Variants in CEP83 observed in about 807,000 individuals in gnomAD.
CEP83 encodes the protein centrosomal protein 83.
In CEP83, 70 loss-of-function variants were observed where a neutral mutation model predicts 101.9. The ratio of observed to expected loss-of-function variants is 0.69; its 90% CI spans 0.57 to 0.84. CEP83 has a LOEUF of 0.84. Ranked by LOEUF, CEP83 falls within the 40% of genes least tolerant of loss-of-function variation. CEP83 has a pLI of 0.00. For missense variants in CEP83, 715 were observed against 787.2 expected, an observed-to-expected ratio of 0.91 and a Z score of 1.10; for synonymous variants, 264 against 267.9, an observed-to-expected ratio of 0.99 and a Z score of 0.14.
intron 6 of CEP83, among the ~76,000 whole-genome samples, chr12:94,389,014 C>A (rs1006550357): frequency 6.6e-6 from 1 of 152,074 alleles, no homozygotes; most frequent in Non-Finnish European, 1.5e-5. Context: ...ATACTCCCAG[C>A]TATTCAGGAG....
chr12:94,313,016 C>A lies in CEP83; in HGVS notation c.1709G>T (p.Arg570Ile), dbSNP rs749333208. 1.1e-5 allele frequency: 15 copies of A among 1,387,250 alleles called. No homozygotes were observed. The East Asian group carries it at 3.2e-4, about 30-fold the overall frequency. 85.9% of individuals were successfully genotyped at this position (1,387,250 alleles called of 1,614,324 possible). The change falls in exon 15 of 17, where the codon AGA becomes ATA. Residue 570 changes from arginine (R) to isoleucine (I), a missense_variant and splice_region_variant. Coordinates refer to ENST00000397809, the MANE Select transcript of CEP83 (RefSeq NM_016122.3). ...CAATTTGTTTTCATGAAGAGATTTTCTCTAAAAAGAGAAATATGAACAAGT... is the reference window on the plus strand; with the variant it reads ...CAATTTGTTTTCATGAAGAGATTTTATCTAAAAAGAGAAATATGAACAAGT... ...LQRAAIAQKK[R>I]KSLHENKLKR...
At chr12:94,458,595 G>A (rs2067884157) in intron 1 of CEP83, among the ~76,000 whole-genome samples, 1 of 151,988 alleles carries the variant, frequency 6.6e-6, no homozygotes, top group Non-Finnish European at 1.5e-5. Context: ...AAAATTAGCC[G>A]GGCATGGTGG....
chr12:94,298,583 C>T, the CEP83 span: 1 of 1,446,844 alleles, frequency 6.9e-7, no homozygotes, highest in Non-Finnish European at 9.4e-7. Flanking sequence ...TTTTCAAAAC[C>T]ACTACCACAG....
intron 11 of CEP83, among the ~76,000 whole-genome samples, chr12:94,362,269 G>C (rs2060802790): frequency 6.6e-6 from 1 of 152,102 alleles, no homozygotes; most frequent in Non-Finnish European, 1.5e-5. Context: ...TACACTGTTA[G>C]TGGGGATGTA....
chr12:94,301,539 T>C (rs548310481), downstream of CEP83, among the ~76,000 whole-genome samples: 23 of 152,346 alleles, frequency 1.5e-4, no homozygotes, highest in South Asian at 4.8e-3. Flanking sequence ...ATGGTTTTCT[T>C]TGCTGATCAA....
chr12:94,365,884 G>A (rs1011827379), intron 11 of CEP83, among the ~76,000 whole-genome samples: 4 of 151,942 alleles, frequency 2.6e-5, no homozygotes, highest in African/African-American at 9.6e-5. Context: ...AAAAAAGAAT[G>A]AGGCTAATCC....
At chr12:94,284,654 G>A in the CEP83 span, among the ~76,000 whole-genome samples, 1 of 152,062 alleles carries the variant, frequency 6.6e-6, no homozygotes, top group African/African-American at 2.4e-5. Context: ...GCTCTGGGAG[G>A]TCTGGTAACA....
chr12:94,345,488 C>A (rs1413266641), intron 11 of CEP83, among the ~76,000 whole-genome samples: 1 of 152,114 alleles, frequency 6.6e-6, no homozygotes, highest in African/African-American at 2.4e-5. Flanking sequence ...GGTTATAATA[C>A]TGGGGTGCTC....
chr12:94,275,941 T>C, the CEP83 span, among the ~76,000 whole-genome samples: 1 of 151,948 alleles, frequency 6.6e-6, no homozygotes, highest in Non-Finnish European at 1.5e-5. Flanking sequence ...TATCAATTTA[T>C]GTCTGAATTT....
chr12:94,323,967 G>C (rs987218924), intron 14 of CEP83, among the ~76,000 whole-genome samples: 4 of 152,144 alleles, frequency 2.6e-5, no homozygotes, highest in Non-Finnish European at 5.9e-5. Context: ...TGTTCTGTTA[G>C]GGTGTTGAAT....
the CEP83 span, chr12:94,297,169 CCT>C: frequency 3.7e-6 from 6 of 1,612,306 alleles, no homozygotes; most frequent in African/African-American, 5.3e-5. Flanking sequence ...GCTTTCTCTC[CCT>C]CTTTCTCTGG....
At chr12:94,338,398 A>G (rs1026289501) in intron 11 of CEP83, among the ~76,000 whole-genome samples, 3 of 152,228 alleles carry the variant, frequency 2.0e-5, no homozygotes, top group East Asian at 1.9e-4. Flanking sequence ...AAAGAAAAAA[A>G]TCACTTTAAC....
chr12:94,284,801 G>T, the CEP83 span, among the ~76,000 whole-genome samples: 1 of 152,170 alleles, frequency 6.6e-6, no homozygotes, highest in Non-Finnish European at 1.5e-5. Context: ...ACACAGATGG[G>T]GGCAGCCTCT....
At chr12:94,424,767 T>C (rs1168439451) in intron 2 of CEP83, 39 of 1,611,500 alleles carry the variant, frequency 2.4e-5, no homozygotes, top group Non-Finnish European at 3.1e-5. Context: ...TCTTGGTCAG[T>C]AGTGCCTGGT....
At chr12:94,402,756 A>C (rs1157636013) in intron 5 of CEP83, 1 of 152,742 alleles carries the variant, frequency 6.5e-6, no homozygotes. Flanking sequence ...AAAATTAGCC[A>C]GGTACGGTGG....
chr12:94,363,083 G>C (rs2060851782), intron 11 of CEP83, among the ~76,000 whole-genome samples: 1 of 152,192 alleles, frequency 6.6e-6, no homozygotes, highest in East Asian at 1.9e-4. Context: ...ATTACTATTG[G>C]ATAGGAAGAA....
intron 11 of CEP83, among the ~76,000 whole-genome samples, chr12:94,339,202 G>C (rs1299800428): frequency 6.6e-6 from 1 of 152,092 alleles, no homozygotes; most frequent in African/African-American, 2.4e-5. Context: ...CCGACCTCAG[G>C]TAATCTGCCC....
chr12:94,403,408 G>A, intron 4 of CEP83, 146 bp from the exon 5 acceptor site: 2 of 500,796 alleles, frequency 4.0e-6, no homozygotes, highest in South Asian at 3.2e-5. Context: ...TATACAAATA[G>A]AATCATCATT....
intron 1 of CEP83, among the ~76,000 whole-genome samples, chr12:94,435,831 C>A (rs1346995000): frequency 6.6e-6 from 1 of 152,222 alleles, no homozygotes; most frequent in Admixed American, 6.5e-5. Context: ...AACCAGCATT[C>A]ACTCTCCTGC....
Sources: allele counts gnomAD v4.1 joint callset (sites outside exome capture counted in the v4.1 genomes callset), GRCh38; gene constraint gnomAD v4.1.1; transcripts MANE v1.5; gene names NCBI Gene and HGNC (gene_info 2026-07-23, HGNC 2026-07-21).